SPATA20: variants seen among roughly 807,000 people sequenced by gnomAD.
SPATA20 encodes the protein spermatogenesis-associated protein 20.
A neutral mutation model predicts 98.9 loss-of-function variants in SPATA20; 74 were observed. The observed-to-expected ratio is 0.75, with a 90% confidence interval of 0.62 to 0.91. The LOEUF (loss-of-function observed/expected upper bound fraction) is 0.91. SPATA20 is among the 40% of genes least tolerant of loss of function. SPATA20 has a pLI of 0.00. For missense variants in SPATA20, 1,016 were observed against 1,069.8 expected, an observed-to-expected ratio of 0.95 and a Z score of 0.70; for synonymous variants, 430 against 440.5, an observed-to-expected ratio of 0.98 and a Z score of 0.30.
In SPATA20 at chr17:50,550,605, C is replaced by T; in HGVS notation, c.1168C>T (p.His390Tyr). 6.2e-7 allele frequency: 1 copy of T among 1,614,068 alleles called. No individual in the cohort carries two copies. Among genetic ancestry groups the T allele is most frequent in the Non-Finnish European group, 8.5e-7 (1 of 1,180,014 alleles). Reference protein sequence around the residue: ...ILQYVARSLSHRSGGFYSAED... With the variant: ...ILQYVARSLSYRSGGFYSAED... Reference sequence around the variant, plus strand: ...GCAGTACGTGGCTCGGAGCCTGAGCCACCGGGTGTGTGTCCATGGTGGCAG... The same window carrying T: ...GCAGTACGTGGCTCGGAGCCTGAGCTACCGGGTGTGTGTCCATGGTGGCAG... The change falls in exon 10 of 17, where the codon CAC becomes TAC. Residue 390 changes from histidine to tyrosine, a missense_variant. His to Tyr is a moderately conservative substitution (Grantham distance 83, BLOSUM62 2). Transcript: ENST00000006658.
Position 50,550,127 on chromosome 17 carries a change from T to G in SPATA20, c.993+12T>G. 1 of 1,612,784 alleles carries G rather than the reference T, an allele frequency of 6.2e-7. No individual in the cohort carries two copies. The highest frequency in any genetic ancestry group is 2.2e-5 in the East Asian group (1 of 44,882). ...ACCATGTGGGGCAGGTGACGGGCAC[T>G]GGGTGTTCCCTGGAGGGGCAGCAGG... On this transcript the variant is annotated intron_variant, in intron 8 of 16. Coordinates refer to ENST00000006658, the MANE Select transcript of SPATA20 (RefSeq NM_022827.4).
chr17:50,551,665 G>T lies in SPATA20; in HGVS notation c.1731G>T (p.Gly577=), dbSNP rs764138001. 1.5e-4 allele frequency: 232 copies of T among 1,590,300 alleles called. No individual in the cohort carries two copies. The highest frequency in any genetic ancestry group is 6.5e-5 in the Non-Finnish European group (76 of 1,161,136). The part of the protein sequence containing the change: ...LMRTCYTGPG[G]TVEHSNPPCW... ...GGACCTGCTACACCGGCCCTGGGGG[G>T]ACTGTGGAGCACAGGTTGGGGGCTG... The change falls in exon 13 of 17, where the codon GGG becomes GGT. Residue 577 remains glycine (G), a synonymous_variant. Coordinates refer to ENST00000006658, the MANE Select transcript of SPATA20 (RefSeq NM_022827.4).
Position 50,551,687 on chromosome 17 carries a change from G to C in SPATA20, c.1745+8G>C. ...GGGGACTGTGGAGCACAGGTTGGGGGCTGGGTAGACCGGGAGGGCCCGTCT... is the reference window on the plus strand; with the variant it reads ...GGGGACTGTGGAGCACAGGTTGGGGCCTGGGTAGACCGGGAGGGCCCGTCT... On this transcript the variant is annotated splice_region_variant and intron_variant, in intron 13 of 16. Transcript: ENST00000006658. 1 of 1,584,590 alleles carries C rather than the reference G, an allele frequency of 6.3e-7. No homozygotes were observed. The highest frequency in any genetic ancestry group is 8.6e-7 in the Non-Finnish European group (1 of 1,157,204).
intron 2 of SPATA20, 116 bp from the exon 3 acceptor site, chr17:50,548,167 T>C (rs777646816): frequency 1.3e-6 from 2 of 1,493,660 alleles, no homozygotes; most frequent in Admixed American, 2.3e-5. Context: ...GAAAGGTGGG[T>C]TGGGCTGGGA....
At chr17:50,554,175 G>T in intron 14 of SPATA20, 76 bp from the exon 15 acceptor site, 1 of 1,404,588 alleles carries the variant, frequency 7.1e-7, no homozygotes, top group South Asian at 1.2e-5. Context: ...AGTGGCCCTG[G>T]ATACAGTCCT....
chr17:50,547,893 C>T, intron 2 of SPATA20, 126 bp downstream of exon 2: 1 of 1,345,852 alleles, frequency 7.4e-7, no homozygotes, highest in Non-Finnish European at 1.0e-6. Flanking sequence ...CCAGTGGGGC[C>T]ACACCCAGGC....
At position 50,555,233 on chromosome 17, in the gene SPATA20, T is replaced by C; in HGVS notation, c.2159T>C (p.Ile720Thr). ...GAGTGACCTTTCTATTCCGGTCAGATCGTGATCTGTGGAGACCGTCAGGCC... is the reference window on the plus strand; with the variant it reads ...GAGTGACCTTTCTATTCCGGTCAGACCGTGATCTGTGGAGACCGTCAGGCC... ...LSAQQQTLKQ[I>T]VICGDRQAKD... is the part of the protein sequence containing the mutation. Residue 720 changes from isoleucine (I) to threonine (T), a missense_variant and splice_region_variant, in exon 16 of 17, where the codon ATC becomes ACC. By Grantham distance (89) the Ile-to-Thr change is moderately conservative. Transcript: ENST00000006658. The C allele has an allele frequency of 6.2e-7, 1 of 1,613,850 alleles. No homozygotes were observed. The highest frequency in any genetic ancestry group is 8.5e-7 in the Non-Finnish European group (1 of 1,179,858).
intron 14 of SPATA20, 40 bp from the exon 15 acceptor site, chr17:50,554,211 C>G: frequency 6.3e-7 from 1 of 1,593,928 alleles, no homozygotes; most frequent in South Asian, 1.1e-5. Flanking sequence ...ACTCAGTGAC[C>G]TGCCCTTACC....
Position 50,548,942 on chromosome 17 carries a change from A to G in SPATA20, c.494A>G (p.Lys165Arg), listed in dbSNP as rs2034961422. ...VDREERPDVD[K>R]VYMTFVQATS... ...CGTGAGGAGCGGCCTGACGTGGACAAGGTGTACATGACGTTCGTGCAGGTG... is the reference window on the plus strand; with the variant it reads ...CGTGAGGAGCGGCCTGACGTGGACAGGGTGTACATGACGTTCGTGCAGGTG... Residue 165 changes from lysine (K) to arginine (R), a missense_variant, in exon 5 of 17, where the codon AAG (lysine) becomes AGG (arginine). Lys to Arg is a conservative substitution (Grantham distance 26). Coordinates refer to ENST00000006658, the MANE Select transcript of SPATA20 (RefSeq NM_022827.4). 6.2e-7 allele frequency: 1 copy of G among 1,614,170 alleles called. No individual in the cohort carries two copies. Among genetic ancestry groups the G allele is most frequent in the South Asian group, 1.1e-5 (1 of 91,090 alleles).
chr17:50,555,225 C>A lies in SPATA20; in HGVS notation c.2158-7C>A. On this transcript the variant is annotated splice_region_variant and splice_polypyrimidine_tract_variant and intron_variant, in intron 15 of 16. Coordinates refer to ENST00000006658, the MANE Select transcript of SPATA20 (RefSeq NM_022827.4). ...ACACACCGGAGTGACCTTTCTATTC[C>A]GGTCAGATCGTGATCTGTGGAGACC... 6.2e-7 allele frequency: 1 copy of A among 1,613,370 alleles called. No individual in the cohort carries two copies. The highest frequency in any genetic ancestry group is 8.5e-7 in the Non-Finnish European group (1 of 1,179,454).
At chr17:50,553,159 G>A (rs1169230572) in intron 14 of SPATA20, among the ~76,000 whole-genome samples, 2 of 152,236 alleles carry the variant, frequency 1.3e-5, no homozygotes, top group Admixed American at 6.5e-5. Context: ...CTTGTCTGTG[G>A]TTAAAGGTTT....
In SPATA20 at chr17:50,550,312, G is replaced by C; in HGVS notation, c.1098G>C (p.Gln366His). The C allele has an allele frequency of 6.3e-7, 1 of 1,577,138 alleles. No homozygotes were observed. Among genetic ancestry groups the C allele is most frequent in the Non-Finnish European group, 8.6e-7 (1 of 1,157,100 alleles). Reference sequence around the variant, plus strand: ...CTGTGGCCTATTCGCAGGCCTTCCAGGTGACCCCTGACCCCAGCCCAGAGA... The same window carrying C: ...CTGTGGCCTATTCGCAGGCCTTCCACGTGACCCCTGACCCCAGCCCAGAGA... ...QLAVAYSQAF[Q>H]LSGDEFYSDV... Residue 366 changes from glutamine (Q) to histidine (H), a missense_variant and splice_region_variant, in exon 9 of 17, where the codon CAG becomes CAC. Coordinates refer to ENST00000006658, the MANE Select transcript of SPATA20 (RefSeq NM_022827.4).
Position 50,549,349 on chromosome 17 carries a change from C to T in SPATA20, c.724C>T (p.Arg242Ter), listed in dbSNP as rs746339060. Residue 242 changes from arginine (R) to a stop codon, truncating the protein, a stop_gained, in exon 7 of 17, where the codon CGA (arginine) becomes TGA (stop). Transcript: ENST00000006658. LOFTEE classifies it high-confidence loss of function. ...GCGTGTCACCACTGCCCTGCTGGCC[C>T]GATCAGAGATCAGCGTGGGTGACCG... Reference protein sequence around the residue: ...SQRVTTALLARSEISVGDRQL... With the variant: ...SQRVTTALLA The T allele has an allele frequency of 8.7e-6, 14 of 1,612,614 alleles. No individual in the cohort carries two copies. The highest frequency in any genetic ancestry group is 7.7e-5 in the South Asian group (7 of 91,070).
Position 50,547,285 on chromosome 17 carries a change from G to T in SPATA20, c.77G>T (p.Arg26Met), listed in dbSNP as rs1232059153. 7.3e-7 allele frequency: 1 copy of T among 1,378,496 alleles called. No homozygotes were observed. The highest frequency in any genetic ancestry group is 9.3e-7 in the Non-Finnish European group (1 of 1,073,610). The allele number at this position is 1,378,496 out of a possible 1,614,324, so 85.4% of individuals were successfully genotyped here. A position where few individuals can be genotyped will look rare whatever the true frequency, so the allele number is the denominator to read the frequency against. The change falls in exon 1 of 17, where the codon AGG becomes ATG. Residue 26 changes from arginine (R) to methionine (M), a missense_variant and splice_region_variant. Arg to Met is a moderately conservative substitution (Grantham distance 91, BLOSUM62 -1). Transcript: ENST00000006658. The stretch of plus-strand genomic sequence containing the variant: ...GGTGCAGGCCTCGCCGCGAGCCGCA[G>T]GTACGGGCGGGCGAGCGGGCCCCTA... ...RAGAGLAASR[R>M]CPGVWPRTWP...
chr17:50,547,647 G>A (rs2034935346), intron 1 of SPATA20, 73 bp from the exon 2 acceptor site: 3 of 778,586 alleles, frequency 3.9e-6, no homozygotes, highest in East Asian at 4.9e-5. Context: ...ATTGCTGCAT[G>A]GACCTTTCGT....
At chr17:50,548,519 G>A in intron 3 of SPATA20, 35 bp from the exon 4 acceptor site, 1 of 1,613,434 alleles carries the variant, frequency 6.2e-7, no homozygotes. Context: ...AGACCCCCTG[G>A]GCTACTGAGT....
At chr17:50,550,136 C>T in intron 8 of SPATA20, 21 bp downstream of exon 8, 1 of 1,612,816 alleles carries the variant, frequency 6.2e-7, no homozygotes, top group East Asian at 2.2e-5. Context: ...CTGGGTGTTC[C>T]CTGGAGGGGC....
rs746757359 is a variant in SPATA20, at chr17:50,548,817, C to T, written c.369C>T (p.Tyr123=). 1 of 1,612,690 alleles carries T rather than the reference C, an allele frequency of 6.2e-7. No individual in the cohort carries two copies. The highest frequency in any genetic ancestry group is 1.7e-5 in the Admixed American group (1 of 59,968). ...ENKPIFLSVG[Y]STCHWCHMME... ...CCCCATGGCCCTGTTCAGTCGGGTA[C>T]TCCACCTGCCACTGGTGCCACATGA... Residue 123 remains tyrosine, a synonymous_variant, in exon 5 of 17, where the codon TAC becomes TAT. Transcript: ENST00000006658.
rs3062812 is a variant in SPATA20, at chr17:50,554,885, CTGTGTGTGTGTGTGTGTGTGTGTG to C, written c.2158-326_2158-303del. Among the ~76,000 whole-genome samples the C allele has an allele frequency of 2.3e-4, 32 of 141,446 alleles. 2 individuals carry two copies. In the South Asian group the frequency reaches 6.8e-3, roughly 30 times the overall value. 92.8% of individuals were successfully genotyped at this position (141,446 alleles called of 152,430 possible). On this transcript the variant is annotated intron_variant, in intron 15 of 16. Transcript: ENST00000006658. ...GTATCTGCCTCTGTGTGGGCATCTACTGTGTGTGTGTGTGTGTGTGTGTGTGTGTGTGTGTGTGTGTGTGACTAC... is the reference window on the plus strand; with the variant it reads ...GTATCTGCCTCTGTGTGGGCATCTACTGTGTGTGTGTGTGTGTGTGACTAC...
Sources: allele counts gnomAD v4.1 joint callset (sites outside exome capture counted in the v4.1 genomes callset), GRCh38; gene constraint gnomAD v4.1.1; transcripts MANE v1.5; gene names NCBI Gene and HGNC (gene_info 2026-07-23, HGNC 2026-07-21).